The following OR1K1 variants were observed in gnomAD, a reference collection of about 807,000 sequenced individuals.
OR1K1 encodes the protein olfactory receptor 1K1.
For missense variants in OR1K1, 409 were observed against 407.9 expected, an observed-to-expected ratio of 1.00 and a Z score of -0.02; for synonymous variants, 168 against 178.2, an observed-to-expected ratio of 0.94 and a Z score of 0.46.
In OR1K1 at chr9:122,800,158, AT is replaced by A. The variant is rs1168438078; in HGVS notation, c.38del (p.Phe13SerfsTer6). 1.2e-6 allele frequency: 2 copies of A among 1,613,082 alleles called. No individual in the cohort carries two copies. The highest frequency in any genetic ancestry group is 2.7e-5 in the African/African-American group (2 of 74,892). ...CCAATGAGTCTTCAGAGGGAATCTC[AT>A]TCGTTTTATTGGGACTGACAACAAG... ...AANESSEGIS[F>X]VLLGLTTSPG... On this transcript the variant is annotated frameshift_variant, in exon 1 of 1. Coordinates refer to ENST00000277309, the MANE Select transcript of OR1K1 (RefSeq NM_080859.1). LOFTEE classifies it low-confidence loss of function (END_TRUNC).
Position 122,800,142 on chromosome 9 carries a change from C to A in OR1K1, c.20C>A (p.Ser7Tyr). The change falls in exon 1 of 1, where the codon TCT becomes TAT. Residue 7 changes from serine to tyrosine, a missense_variant. By Grantham distance (144) the Ser-to-Tyr change is moderately radical. Coordinates refer to ENST00000277309, the MANE Select transcript of OR1K1 (RefSeq NM_080859.1). ...CCTGCCATGGAGGCTGCCAATGAGT[C>A]TTCAGAGGGAATCTCATTCGTTTTA... MEAANE[S>Y]SEGISFVLLG... The A allele has an allele frequency of 6.2e-7, 1 of 1,609,740 alleles. No individual in the cohort carries two copies. The highest frequency in any genetic ancestry group is 1.1e-5 in the South Asian group (1 of 90,280).
chr9:122,800,195 C>A lies in OR1K1; in HGVS notation c.73C>A (p.Gln25Lys). Residue 25 changes from glutamine (Q) to lysine (K), a missense_variant, in exon 1 of 1, where the codon CAG becomes AAG. Gln to Lys is a moderately conservative substitution (Grantham distance 53, BLOSUM62 1). Transcript: ENST00000277309. ...LLGLTTSPGQ[Q>K]RPLFVLFLLL... ...GGGACTGACAACAAGTCCTGGACAG[C>A]AGCGGCCTCTCTTTGTGCTGTTCTT... 6.2e-7 allele frequency: 1 copy of A among 1,614,152 alleles called. No individual in the cohort carries two copies. Among genetic ancestry groups the A allele is most frequent in the Non-Finnish European group, 8.5e-7 (1 of 1,179,996 alleles).
Position 122,800,703 on chromosome 9 carries a change from A to G in OR1K1, c.581A>G (p.His194Arg), listed in dbSNP as rs1238587582. The G allele has an allele frequency of 3.7e-6, 6 of 1,613,808 alleles. No homozygotes were observed. Among genetic ancestry groups the G allele is most frequent in the Non-Finnish European group, 5.1e-6 (6 of 1,179,984 alleles). ...TTAAGGCTCTCGTGCTCTGACACCC[A>G]CCACATCCAGCTGCTCATCTTCACC... ...PLLRLSCSDT[H>R]HIQLLIFTEG... Residue 194 changes from histidine (H) to arginine (R), a missense_variant, in exon 1 of 1, where the codon CAC becomes CGC. Transcript: ENST00000277309.
rs772604723 is a variant in OR1K1 at position 122,800,824 on chromosome 9, G to C, written c.702G>C (p.Gly234=). ...AAVLQLPSAS[G]RLRAVSTCGS... The stretch of plus-strand genomic sequence containing the variant: ...TGCTCCAGCTGCCCTCAGCCTCTGG[G>C]AGGCTCCGGGCTGTGTCCACCTGTG... Residue 234 remains glycine, a synonymous_variant, in exon 1 of 1, where the codon GGG becomes GGC. Coordinates refer to ENST00000277309, the MANE Select transcript of OR1K1 (RefSeq NM_080859.1). 8.1e-6 allele frequency: 13 copies of C among 1,613,680 alleles called. No homozygotes were observed. The highest frequency in any genetic ancestry group is 1.1e-5 in the Non-Finnish European group (13 of 1,179,960).
chr9:122,800,189 G>A lies in OR1K1; in HGVS notation c.67G>A (p.Gly23Arg), dbSNP rs745422309. The change falls in exon 1 of 1, where the codon GGA (glycine) becomes AGA (arginine). Residue 23 changes from glycine to arginine, a missense_variant. By Grantham distance (125) the Gly-to-Arg change is moderately radical. Coordinates refer to ENST00000277309, the MANE Select transcript of OR1K1 (RefSeq NM_080859.1). Reference protein sequence around the residue: ...FVLLGLTTSPGQQRPLFVLFL... With the variant: ...FVLLGLTTSPRQQRPLFVLFL... ...TTTATTGGGACTGACAACAAGTCCT[G>A]GACAGCAGCGGCCTCTCTTTGTGCT... is the stretch of plus-strand genomic sequence containing the variant. 2 of 1,614,132 alleles carry A rather than the reference G, an allele frequency of 1.2e-6. No individual in the cohort carries two copies. The highest frequency in any genetic ancestry group is 2.2e-5 in the East Asian group (1 of 44,884).
chr9:122,800,925 A>C lies in OR1K1; in HGVS notation c.803A>C (p.Glu268Ala). 1 of 1,614,176 alleles carries C rather than the reference A, an allele frequency of 6.2e-7. No homozygotes were observed. Among genetic ancestry groups the C allele is most frequent in the Non-Finnish European group, 8.5e-7 (1 of 1,180,030 alleles). The change falls in exon 1 of 1, where the codon GAG becomes GCG. Residue 268 changes from glutamate (E) to alanine (A), a missense_variant. Physicochemically the swap from Glu to Ala is moderately radical, Grantham distance 107. Coordinates refer to ENST00000277309, the MANE Select transcript of OR1K1 (RefSeq NM_080859.1). ...AVYFQATSRR[E>A]AEWGRVATVM... ...TACTTCCAGGCCACATCCCGACGCGAGGCAGAGTGGGGCCGTGTGGCCACT... is the reference window on the plus strand; with the variant it reads ...TACTTCCAGGCCACATCCCGACGCGCGGCAGAGTGGGGCCGTGTGGCCACT...
At position 122,801,009 on chromosome 9, in the gene OR1K1, G is replaced by T; in HGVS notation, c.887G>T (p.Arg296Leu). 2 of 1,613,966 alleles carry T rather than the reference G, an allele frequency of 1.2e-6. No individual in the cohort carries two copies. Among genetic ancestry groups the T allele is most frequent in the Non-Finnish European group, 1.7e-6 (2 of 1,180,018 alleles). Residue 296 changes from arginine to leucine, a missense_variant, in exon 1 of 1, where the codon CGC becomes CTC. Coordinates refer to ENST00000277309, the MANE Select transcript of OR1K1 (RefSeq NM_080859.1). ...LNPIIYSLWNRDVQGALRALL... is the reference protein window; with the variant it reads ...LNPIIYSLWNLDVQGALRALL... Reference sequence around the variant, plus strand: ...CCCATCATCTACAGCCTCTGGAATCGCGATGTACAGGGGGCACTCCGAGCC... The same window carrying T: ...CCCATCATCTACAGCCTCTGGAATCTCGATGTACAGGGGGCACTCCGAGCC...
In OR1K1 at chr9:122,800,483, T is replaced by A; in HGVS notation, c.361T>A (p.Tyr121Asn). ...TDSCLLAAMA[Y>N]DCYVAIRHPL... Reference sequence around the variant, plus strand: ...TAGCTGTCTTCTGGCGGCCATGGCCTATGACTGCTACGTGGCCATCCGGCA... The same window carrying A: ...TAGCTGTCTTCTGGCGGCCATGGCCAATGACTGCTACGTGGCCATCCGGCA... Residue 121 changes from tyrosine (Y) to asparagine (N), a missense_variant, in exon 1 of 1, where the codon TAT becomes AAT. Transcript: ENST00000277309. The A allele has an allele frequency of 6.2e-7, 1 of 1,611,578 alleles. No homozygotes were observed.
chr9:122,800,578 G>A lies in OR1K1; in HGVS notation c.456G>A (p.Val152=), dbSNP rs1266406861. ...CCCTGGTGGGAATGGCATGGCTGGT[G>A]TCCCACGTCCACTCCCTCCTGTATA... ...CAALVGMAWL[V]SHVHSLLYIL... Residue 152 remains valine, a synonymous_variant, in exon 1 of 1, where the codon GTG becomes GTA. Coordinates refer to ENST00000277309, the MANE Select transcript of OR1K1 (RefSeq NM_080859.1). The A allele has an allele frequency of 3.7e-6, 6 of 1,613,618 alleles. No homozygotes were observed. Among genetic ancestry groups the A allele is most frequent in the Non-Finnish European group, 5.1e-6 (6 of 1,180,030 alleles).
rs751179590 is a variant in OR1K1, at chr9:122,800,459, A to G, written c.337A>G (p.Ser113Gly). The change falls in exon 1 of 1, where the codon AGC (serine) becomes GGC (glycine). Residue 113 changes from serine to glycine, a missense_variant. Ser to Gly is a moderately conservative substitution (Grantham distance 56). Transcript: ENST00000277309. ...CTTCTTTGCCCTGGGGGTAACTGAT[A>G]GCTGTCTTCTGGCGGCCATGGCCTA... ...YFFFALGVTDSCLLAAMAYDC... is the reference protein window; with the variant it reads ...YFFFALGVTDGCLLAAMAYDC... 1 of 1,611,838 alleles carries G rather than the reference A, an allele frequency of 6.2e-7. No homozygotes were observed. The highest frequency in any genetic ancestry group is 8.5e-7 in the Non-Finnish European group (1 of 1,180,006).
Position 122,800,788 on chromosome 9 carries a change from C to T in OR1K1, c.666C>T (p.Ile222=), listed in dbSNP as rs201735533. Residue 222 remains isoleucine (I), a synonymous_variant, in exon 1 of 1, where the codon ATC becomes ATT. Coordinates refer to ENST00000277309, the MANE Select transcript of OR1K1 (RefSeq NM_080859.1). ...FLLILASYGA[I]AAAVLQLPSA... ...TCATCCTCGCCTCCTATGGGGCCAT[C>T]GCAGCTGCCGTGCTCCAGCTGCCCT... 3.1e-5 allele frequency: 50 copies of T among 1,613,732 alleles called. No individual in the cohort carries two copies. The highest frequency in any genetic ancestry group is 2.7e-4 in the South Asian group (25 of 91,086).
rs769362225 is a variant in OR1K1, at chr9:122,800,798, G to A, written c.676G>A (p.Val226Met). The A allele has an allele frequency of 2.7e-5, 43 of 1,613,646 alleles. 1 individual carries two copies. Among genetic ancestry groups the A allele is most frequent in the East Asian group, 8.9e-5 (4 of 44,894 alleles). Reference protein sequence around the residue: ...LASYGAIAAAVLQLPSASGRL... With the variant: ...LASYGAIAAAMLQLPSASGRL... ...CTCCTATGGGGCCATCGCAGCTGCC[G>A]TGCTCCAGCTGCCCTCAGCCTCTGG... The change falls in exon 1 of 1, where the codon GTG (valine) becomes ATG (methionine). Residue 226 changes from valine (V) to methionine (M), a missense_variant. By Grantham distance (21) the Val-to-Met change is conservative. Coordinates refer to ENST00000277309, the MANE Select transcript of OR1K1 (RefSeq NM_080859.1).
In OR1K1 at chr9:122,800,790, C is replaced by A. The variant is rs780930240; in HGVS notation, c.668C>A (p.Ala223Glu). The A allele has an allele frequency of 1.2e-6, 2 of 1,613,914 alleles. No individual in the cohort carries two copies. Among genetic ancestry groups the A allele is most frequent in the South Asian group, 2.2e-5 (2 of 91,080 alleles). Reference protein sequence around the residue: ...LLILASYGAIAAAVLQLPSAS... With the variant: ...LLILASYGAIEAAVLQLPSAS... ...ATCCTCGCCTCCTATGGGGCCATCG[C>A]AGCTGCCGTGCTCCAGCTGCCCTCA... Residue 223 changes from alanine to glutamate, a missense_variant, in exon 1 of 1, where the codon GCA becomes GAA. Physicochemically the swap from Ala to Glu is moderately radical, Grantham distance 107. Transcript: ENST00000277309.
rs913776747 is a variant in OR1K1 at position 122,800,559 on chromosome 9, T to C, written c.437T>C (p.Val146Ala). The change falls in exon 1 of 1, where the codon GTG becomes GCG. Residue 146 changes from valine (V) to alanine (A), a missense_variant. Physicochemically the swap from Val to Ala is moderately conservative, Grantham distance 64. Coordinates refer to ENST00000277309, the MANE Select transcript of OR1K1 (RefSeq NM_080859.1). The stretch of plus-strand genomic sequence containing the variant: ...TCCCGGGCCATGTGCGCAGCCCTGG[T>C]GGGAATGGCATGGCTGGTGTCCCAC... ...RMSRAMCAAL[V>A]GMAWLVSHVH... The C allele has an allele frequency of 1.9e-6, 3 of 1,613,232 alleles. No homozygotes were observed. The African/African-American group carries it at 4.0e-5, about 22-fold the overall frequency.
rs761878301 is a variant in OR1K1 at position 122,800,494 on chromosome 9, C to T, written c.372C>T (p.Tyr124=). Residue 124 remains tyrosine, a synonymous_variant, in exon 1 of 1, where the codon TAC becomes TAT. Transcript: ENST00000277309. ...CLLAAMAYDC[Y]VAIRHPLPYA... Reference sequence around the variant, plus strand: ...TGGCGGCCATGGCCTATGACTGCTACGTGGCCATCCGGCACCCCCTCCCCT... The same window carrying T: ...TGGCGGCCATGGCCTATGACTGCTATGTGGCCATCCGGCACCCCCTCCCCT... 1.4e-5 allele frequency: 22 copies of T among 1,611,386 alleles called. No individual in the cohort carries two copies. The highest frequency in any genetic ancestry group is 2.2e-5 in the East Asian group (1 of 44,894).
At position 122,800,583 on chromosome 9, in the gene OR1K1, A is replaced by G; in HGVS notation, c.461A>G (p.His154Arg). Reference sequence around the variant, plus strand: ...GTGGGAATGGCATGGCTGGTGTCCCACGTCCACTCCCTCCTGTATATCCTG... The same window carrying G: ...GTGGGAATGGCATGGCTGGTGTCCCGCGTCCACTCCCTCCTGTATATCCTG... ...ALVGMAWLVS[H>R]VHSLLYILLM... The change falls in exon 1 of 1, where the codon CAC becomes CGC. Residue 154 changes from histidine (H) to arginine (R), a missense_variant. Transcript: ENST00000277309. 6.2e-7 allele frequency: 1 copy of G among 1,613,670 alleles called. No individual in the cohort carries two copies.
In OR1K1 at chr9:122,800,505, G is replaced by A. The variant is rs115002018; in HGVS notation, c.383G>A (p.Arg128Gln). ...AMAYDCYVAI[R>Q]HPLPYATRMS... Reference sequence around the variant, plus strand: ...GCCTATGACTGCTACGTGGCCATCCGGCACCCCCTCCCCTATGCCACGAGG... The same window carrying A: ...GCCTATGACTGCTACGTGGCCATCCAGCACCCCCTCCCCTATGCCACGAGG... The change falls in exon 1 of 1, where the codon CGG (arginine) becomes CAG (glutamine). Residue 128 changes from arginine (R) to glutamine (Q), a missense_variant. Physicochemically the swap from Arg to Gln is conservative, Grantham distance 43. Transcript: ENST00000277309. 8,792 of 1,611,670 alleles carry A rather than the reference G, an allele frequency of 5.5e-3. 29 individuals carry two copies. Among genetic ancestry groups the A allele is most frequent in the African/African-American group, 0.019 (1,428 of 75,038 alleles).
Position 122,800,293 on chromosome 9 carries a change from T to C in OR1K1, c.171T>C (p.His57=), listed in dbSNP as rs746516178. 5 of 1,614,206 alleles carry C rather than the reference T, an allele frequency of 3.1e-6. No homozygotes were observed. The highest frequency in any genetic ancestry group is 4.2e-6 in the Non-Finnish European group (5 of 1,180,024). ...CCATCCAGGCCAGTCCAGCCCTTCA[T>C]GCACCCATGTACTTCCTGCTGGCCC... ...VAAIQASPAL[H]APMYFLLAHL... The change falls in exon 1 of 1, where the codon CAT becomes CAC. Residue 57 remains histidine, a synonymous_variant. Transcript: ENST00000277309.
In OR1K1 at chr9:122,800,809, G is replaced by T; in HGVS notation, c.687G>T (p.Leu229=). The part of the protein sequence containing the change: ...YGAIAAAVLQ[L]PSASGRLRAV... ...CCATCGCAGCTGCCGTGCTCCAGCT[G>T]CCCTCAGCCTCTGGGAGGCTCCGGG... Residue 229 remains leucine (L), a synonymous_variant, in exon 1 of 1, where the codon CTG becomes CTT. Coordinates refer to ENST00000277309, the MANE Select transcript of OR1K1 (RefSeq NM_080859.1). 1 of 1,613,820 alleles carries T rather than the reference G, an allele frequency of 6.2e-7. No homozygotes were observed. Among genetic ancestry groups the T allele is most frequent in the Non-Finnish European group, 8.5e-7 (1 of 1,180,000 alleles).
Sources: allele counts gnomAD v4.1 joint callset, GRCh38; gene constraint gnomAD v4.1.1; transcripts MANE v1.5; gene names NCBI Gene and HGNC (gene_info 2026-07-23, HGNC 2026-07-21).